CRHR2: variants seen among roughly 807,000 people sequenced by gnomAD.
The protein encoded by CRHR2 is corticotropin-releasing hormone receptor 2.
In CRHR2, 53 loss-of-function variants were observed where a neutral mutation model predicts 57.9. That is an observed-to-expected ratio of 0.92 (90% CI 0.73 to 1.15). CRHR2 has a LOEUF of 1.15. Ranked by LOEUF, CRHR2 falls within the 50% of genes most tolerant of loss-of-function variation. The pLI, the probability that CRHR2 is intolerant of heterozygous loss-of-function variation, is 0.00. For missense variants in CRHR2, 532 were observed against 542.6 expected (o/e 0.98, Z 0.19); for synonymous variants, 213 against 220.9 (o/e 0.96, Z 0.32).
intron 1 of CRHR2, among the ~76,000 whole-genome samples, chr7:30,696,291 A>T (rs948924403): frequency 5.3e-5 from 8 of 152,254 alleles, no homozygotes; most frequent in African/African-American, 1.9e-4. Flanking sequence ...GATTGTCTGT[A>T]ACACAAAGGA....
upstream of CRHR2, among the ~76,000 whole-genome samples, chr7:30,685,212 G>A (rs1304553548): frequency 1.3e-5 from 2 of 152,188 alleles, no homozygotes; most frequent in Non-Finnish European, 2.9e-5. Flanking sequence ...ACAGTTCCAG[G>A]CCAGCTCAGA....
rs141602581 is a variant in CRHR2 at position 30,674,469 on chromosome 7, G to A, written c.230-7156C>T. 5.3e-5 allele frequency among the ~76,000 whole-genome samples: 8 copies of A among 152,330 alleles called. No individual in the cohort carries two copies. The East Asian group carries it at 1.5e-3, about 29-fold the overall frequency. On this transcript the variant is annotated intron_variant, in intron 2 of 11. Coordinates refer to ENST00000471646, the MANE Select transcript of CRHR2 (RefSeq NM_001883.5). ...GAGAAACATCACTAGAACTCATCAA[G>A]CCCTCCACCCACCTGGTGCAGATGA...
intron 6 of CRHR2, 141 bp from the exon 7 acceptor site, chr7:30,662,357 C>A: frequency 1.0e-6 from 1 of 969,346 alleles, no homozygotes; most frequent in Non-Finnish European, 1.6e-6. Flanking sequence ...CAGGGGTGCC[C>A]TGTCCCTCAA....
At chr7:30,662,347 CA>C in intron 6 of CRHR2, 131 bp from the exon 7 acceptor site, 2 of 1,041,772 alleles carry the variant, frequency 1.9e-6, no homozygotes, top group Non-Finnish European at 2.9e-6. Flanking sequence ...CCCACAACCC[CA>C]GGGGTGCCCT....
At chr7:30,669,101 G>A (rs936731140) in intron 2 of CRHR2, among the ~76,000 whole-genome samples, 4 of 152,286 alleles carry the variant, frequency 2.6e-5, no homozygotes, top group East Asian at 1.9e-4. Flanking sequence ...GGGGGTTTAC[G>A]GTGCCTCTGA....
intron 2 of CRHR2, among the ~76,000 whole-genome samples, chr7:30,681,380 C>T (rs974323046): frequency 2.0e-5 from 3 of 152,224 alleles, no homozygotes; most frequent in Non-Finnish European, 4.4e-5. Context: ...CACCCTCTGG[C>T]TTAGCAGAAC....
chr7:30,653,829 C>T lies in CRHR2; in HGVS notation c.1096-229G>A, dbSNP rs1783675039. On this transcript the variant is annotated intron_variant, in intron 11 of 11. Coordinates refer to ENST00000471646, the MANE Select transcript of CRHR2 (RefSeq NM_001883.5). The surrounding 1 kb of genome is among the most constrained non-coding windows in gnomAD (Gnocchi z 5.0). ...CCACACCTCCTTTACTCCACACTGT[C>T]CTCCCAGATCATCCAGTTTCCTCTG... Among the ~76,000 whole-genome samples the T allele has an allele frequency of 6.6e-6, 1 of 152,188 alleles. No homozygotes were observed. The highest frequency in any genetic ancestry group is 2.1e-4 in the South Asian group (1 of 4,832).
At chr7:30,686,696 A>G, upstream of CRHR2, 1 of 521,542 alleles carries the variant, frequency 1.9e-6, no homozygotes, top group East Asian at 3.9e-5. Context: ...AATATGCCTC[A>G]TAATATATGC....
intron 2 of CRHR2, 57 bp from the exon 3 acceptor site, chr7:30,667,370 C>T (rs564424290): frequency 1.4e-6 from 2 of 1,465,692 alleles, no homozygotes; most frequent in African/African-American, 1.4e-5. Context: ...AGAACCCTCC[C>T]TGGCTCCCTG....
At chr7:30,666,150 G>C (rs1784177815) in intron 3 of CRHR2, among the ~76,000 whole-genome samples, 1 of 152,156 alleles carries the variant, frequency 6.6e-6, no homozygotes. Flanking sequence ...CTGAGTGACT[G>C]AGGGTGAGTC....
upstream of CRHR2, among the ~76,000 whole-genome samples, chr7:30,685,317 C>T (rs1784833374): frequency 6.6e-6 from 1 of 152,240 alleles, no homozygotes; most frequent in African/African-American, 2.4e-5. Flanking sequence ...ACCATGCACA[C>T]ACATTCTCTC....
chr7:30,669,760 A>G (rs958869984), intron 2 of CRHR2, among the ~76,000 whole-genome samples: 4 of 152,120 alleles, frequency 2.6e-5, no homozygotes, highest in African/African-American at 9.7e-5. Context: ...AATAAAGTCC[A>G]ATTTCTTAGC....
chr7:30,667,837 T>C (rs1312198295), intron 2 of CRHR2, among the ~76,000 whole-genome samples: 1 of 152,244 alleles, frequency 6.6e-6, no homozygotes, highest in Non-Finnish European at 1.5e-5. Context: ...GGCATTAATA[T>C]GAACCCATTT....
At chr7:30,680,818 TTGTGTGTGTGTGTG>T (rs60568949) in intron 2 of CRHR2, among the ~76,000 whole-genome samples, 2 of 145,368 alleles carry the variant, frequency 1.4e-5, no homozygotes, top group Non-Finnish European at 3.0e-5. Flanking sequence ...TTCTGAAAGC[TTGTGTGTGTGTGTG>T]TGTGTGTGTG....
At chr7:30,696,113 G>A (rs1044489370) in intron 1 of CRHR2, among the ~76,000 whole-genome samples, 13 of 152,202 alleles carry the variant, frequency 8.5e-5, no homozygotes, top group Non-Finnish European at 1.6e-4. Flanking sequence ...ATCGCATGGA[G>A]ATAGAGAGTG....
At position 30,653,796 on chromosome 7, in the gene CRHR2, G is replaced by GCTTGACTCCACACCTC. The variant is rs1390462834; in HGVS notation, c.1096-212_1096-197dup. ...TCTTCCTTATCCTTTTCCTGGAGAAGCTTGACTCCACACCTCCTTTACTCC... is the reference window on the plus strand; with the variant it reads ...TCTTCCTTATCCTTTTCCTGGAGAAGCTTGACTCCACACCTCCTTGACTCCACACCTCCTTTACTCC... On this transcript the variant is annotated intron_variant, in intron 11 of 11. Coordinates refer to ENST00000471646, the MANE Select transcript of CRHR2 (RefSeq NM_001883.5). This position sits in a 1 kb window ranked among gnomAD's most constrained non-coding sequence, Gnocchi z 5.0. 6.6e-6 allele frequency among the ~76,000 whole-genome samples: 1 copy of GCTTGACTCCACACCTC among 152,116 alleles called. No individual in the cohort carries two copies. Among genetic ancestry groups the GCTTGACTCCACACCTC allele is most frequent in the Non-Finnish European group, 1.5e-5 (1 of 68,014 alleles).
At chr7:30,659,879 A>G (rs559318529) in intron 8 of CRHR2, among the ~76,000 whole-genome samples, 1 of 152,338 alleles carries the variant, frequency 6.6e-6, no homozygotes, top group East Asian at 1.9e-4. Flanking sequence ...TGAGCCTGAA[A>G]TAAGTCTTAC....
At chr7:30,686,385 A>T, upstream of CRHR2, 1 of 1,529,956 alleles carries the variant, frequency 6.5e-7, no homozygotes, top group Non-Finnish European at 8.7e-7. Context: ...GAAAGGACAG[A>T]TACCTTGGCA....
At position 30,662,729 on chromosome 7, in the gene CRHR2, C is replaced by T. The variant is rs762243978; in HGVS notation, c.662G>A (p.Arg221His). The change falls in exon 6 of 12, where the codon CGC (arginine) becomes CAC (histidine). Residue 221 changes from arginine (R) to histidine (H), a missense_variant. Coordinates refer to ENST00000471646, the MANE Select transcript of CRHR2 (RefSeq NM_001883.5). Reference protein sequence around the residue: ...TAIVMTYSTERLRKCLFLFIG... With the variant: ...TAIVMTYSTEHLRKCLFLFIG... Reference sequence around the variant, plus strand: ...GAAGAGGAAGAGGCACTTGCGCAGGCGCTCAGTGGAGTAGGTCATGACAAT... The same window carrying T: ...GAAGAGGAAGAGGCACTTGCGCAGGTGCTCAGTGGAGTAGGTCATGACAAT... The T allele has an allele frequency of 3.3e-5, 54 of 1,614,038 alleles. 1 individual carries two copies. Among genetic ancestry groups the T allele is most frequent in the Middle Eastern group, 3.3e-4 (2 of 6,084 alleles).
Sources: gnomAD v4.1 joint callset for allele counts (sites outside exome capture counted in the v4.1 genomes callset) on GRCh38, gnomAD v4.1.1 for gene constraint, Gnocchi (gnomAD v3.1) non-coding constraint, MANE v1.5 for transcripts, NCBI Gene and HGNC (gene_info 2026-07-23, HGNC 2026-07-21) for gene names.